The following DNM3 variants were observed in gnomAD, a reference collection of about 807,000 sequenced individuals.
DNM3 encodes the protein dynamin 3.
Under a neutral mutation model 101.6 loss-of-function variants are expected in DNM3, and 47 were observed. The observed-to-expected ratio is 0.46, with a 90% CI of 0.37 to 0.59. The LOEUF (loss-of-function observed/expected upper bound fraction) is 0.59. Ranked by LOEUF, DNM3 falls within the 20% of genes least tolerant of loss-of-function variation. The pLI is 0.00. For missense variants in DNM3, 849 were observed against 1,085.7 expected (o/e 0.78, Z 3.06); for synonymous variants, 385 against 387.9 (o/e 0.99, Z 0.09).
At chr1:172,033,080 T>A (rs1277357519) in intron 5 of DNM3, 25 bp from the exon 6 acceptor site, 1 of 1,606,470 alleles carries the variant, frequency 6.2e-7, no homozygotes, top group Non-Finnish European at 8.5e-7. Flanking sequence ...TGTCCCCAAC[T>A]CCATAGATTT....
intron 1 of DNM3, among the ~76,000 whole-genome samples, chr1:171,847,361 G>T (rs919506500): frequency 6.6e-6 from 1 of 152,132 alleles, no homozygotes; most frequent in Non-Finnish European, 1.5e-5. Context: ...AGTGTCATCT[G>T]GCAGCCCATA....
chr1:172,283,017 A>G (rs971935590), intron 15 of DNM3, among the ~76,000 whole-genome samples: 1 of 152,214 alleles, frequency 6.6e-6, no homozygotes, highest in African/African-American at 2.4e-5. Flanking sequence ...TCCAGGTTCC[A>G]GCCATCTTAG....
chr1:172,231,286 C>G, intron 14 of DNM3, among the ~76,000 whole-genome samples: 1 of 152,092 alleles, frequency 6.6e-6, no homozygotes, highest in Admixed American at 6.5e-5. Context: ...GATCAGGCAG[C>G]AACATTTGCT....
At chr1:171,887,575 C>A (rs1334824176) in intron 1 of DNM3, among the ~76,000 whole-genome samples, 6 of 151,992 alleles carry the variant, frequency 3.9e-5, no homozygotes, top group African/African-American at 1.4e-4. Context: ...CTTTATAGAT[C>A]TTTTTCTGAT....
chr1:171,998,400 CAGTG>C (rs1352991566), intron 4 of DNM3, among the ~76,000 whole-genome samples: 1 of 152,150 alleles, frequency 6.6e-6, no homozygotes, highest in Non-Finnish European at 1.5e-5. Context: ...ACAAAGCACT[CAGTG>C]AGCATTGTCT....
At chr1:171,982,568 A>G (rs1038208490) in intron 2 of DNM3, among the ~76,000 whole-genome samples, 7 of 152,100 alleles carry the variant, frequency 4.6e-5, no homozygotes, top group African/African-American at 1.4e-4. Flanking sequence ...TCTGAACCCC[A>G]GTGATGGACA....
chr1:172,040,491 G>A (rs181584773), intron 7 of DNM3, among the ~76,000 whole-genome samples: 5 of 147,942 alleles, frequency 3.4e-5, no homozygotes, highest in South Asian at 2.1e-4. Flanking sequence ...TTTTTTTTTC[G>A]TGTTTCTTTC....
chr1:172,086,706 T>C (rs2053556077), intron 12 of DNM3, among the ~76,000 whole-genome samples: 1 of 152,186 alleles, frequency 6.6e-6, no homozygotes, highest in South Asian at 2.1e-4. Context: ...AGCTTAGTGG[T>C]GACCTATGGT....
chr1:172,205,376 G>T (rs893190070), intron 14 of DNM3, among the ~76,000 whole-genome samples: 1 of 152,054 alleles, frequency 6.6e-6, no homozygotes, highest in East Asian at 1.9e-4. Flanking sequence ...TTAGTCTCAG[G>T]ATCTGTTTAA....
intron 13 of DNM3, among the ~76,000 whole-genome samples, chr1:172,118,638 C>T (rs1202186437): frequency 6.6e-6 from 1 of 151,940 alleles, no homozygotes; most frequent in Non-Finnish European, 1.5e-5. Context: ...TGAAATCAGA[C>T]TTACATGGGA....
In DNM3 at chr1:172,056,929, G is replaced by T. The variant is rs991676631; in HGVS notation, c.1335+8179G>T. Among the ~76,000 whole-genome samples the T allele has an allele frequency of 1.3e-5, 2 of 151,974 alleles. 1 individual carries two copies. The highest frequency in any genetic ancestry group is 4.1e-4 in the South Asian group (2 of 4,830). On this transcript the variant is annotated intron_variant, in intron 10 of 20. Transcript: ENST00000627582. ...GGAGGACATTCAAACCAAAGGCAAA[G>T]AAGTTGAAAACTTTGAAAAAAATTT...
intron 4 of DNM3, among the ~76,000 whole-genome samples, chr1:172,020,036 GC>G (rs1279841459): frequency 1.3e-5 from 2 of 151,764 alleles, no homozygotes; most frequent in African/African-American, 4.8e-5. Flanking sequence ...CTTTTAATAT[GC>G]CTTGTAATTT....
intron 17 of DNM3, among the ~76,000 whole-genome samples, chr1:172,371,838 TTTTATTTTTATTTTTA>T (rs904561585): frequency 6.7e-5 from 10 of 150,194 alleles, no homozygotes; most frequent in East Asian, 3.9e-4. Flanking sequence ...ATATTTTTAT[TTTTATTTTTATTTTTA>T]TTTATTTTTA....
chr1:172,246,884 C>T (rs1336950516), intron 14 of DNM3, among the ~76,000 whole-genome samples: 1 of 152,082 alleles, frequency 6.6e-6, no homozygotes, highest in Non-Finnish European at 1.5e-5. Flanking sequence ...TCCAGTTTCC[C>T]TGCTTGCAAA....
Position 172,412,444 on chromosome 1 carries a change from T to A in DNM3, c.*4603T>A. ...CTTGTCTATTTTTACTTTCCCTTTT[T>A]TGGGTCAAATTTTTCTTTTGCTTTG... is the stretch of plus-strand genomic sequence containing the variant. On this transcript the variant is annotated 3_prime_UTR_variant, in exon 21 of 21. Transcript: ENST00000627582. The A allele has an allele frequency of 1.0e-6, 1 of 985,838 alleles. No homozygotes were observed. The allele number at this position is 985,838 out of a possible 1,614,324, so 61.1% of individuals were successfully genotyped here. A position where few individuals can be genotyped will look rare whatever the true frequency, so the allele number is the denominator to read the frequency against.
At chr1:172,193,973 C>T (rs1273608445) in intron 14 of DNM3, among the ~76,000 whole-genome samples, 3 of 151,858 alleles carry the variant, frequency 2.0e-5, no homozygotes, top group Non-Finnish European at 2.9e-5. Flanking sequence ...TTTTGGATCT[C>T]TCCTGCTTTC....
chr1:171,849,082 G>C (rs962736088), intron 1 of DNM3, among the ~76,000 whole-genome samples: 2 of 152,128 alleles, frequency 1.3e-5, no homozygotes, highest in African/African-American at 2.4e-5. Flanking sequence ...GGACCTCATT[G>C]TTTATCCTTC....
intron 14 of DNM3, among the ~76,000 whole-genome samples, chr1:172,233,466 G>C (rs1202076547): frequency 3.3e-5 from 5 of 152,170 alleles, no homozygotes; most frequent in Non-Finnish European, 7.3e-5. Flanking sequence ...GAGGTACAAG[G>C]AGGAACTGAT....
In DNM3 at chr1:172,315,292, A is replaced by C. The variant is rs953326328; in HGVS notation, c.1881+6453A>C. ...TAGATAAAACCACAAAGATGGGGAA[A>C]AAACAGAGCAGAAAAACTGGAAACT... On this transcript the variant is annotated intron_variant, in intron 16 of 20. Transcript: ENST00000627582. Among the ~76,000 whole-genome samples the C allele has an allele frequency of 6.6e-4, 101 of 152,258 alleles. 1 individual carries two copies. The highest frequency in any genetic ancestry group is 1.8e-4 in the Non-Finnish European group (12 of 68,052).
Sources: gnomAD v4.1 joint callset for allele counts (sites outside exome capture counted in the v4.1 genomes callset) on GRCh38, gnomAD v4.1.1 for gene constraint, MANE v1.5 for transcripts, NCBI Gene and HGNC (gene_info 2026-07-23, HGNC 2026-07-21) for gene names.